The following VPS53 variants were observed in gnomAD, a reference collection of about 807,000 sequenced individuals.
The protein encoded by VPS53 is vacuolar protein sorting-associated protein 53 homolog.
A neutral mutation model predicts 107.0 loss-of-function variants in VPS53; 70 were observed. That is an observed-to-expected ratio of 0.65 (90% CI 0.54 to 0.80). The LOEUF is 0.80. VPS53 is among the 30% of genes least tolerant of loss of function. The probability of loss-of-function intolerance (pLI) is 0.00; values close to 1 mark genes in which losing one functional copy is unlikely to be tolerated. For synonymous variants in VPS53, 409 were observed against 393.3 expected, an observed-to-expected ratio of 1.04 and a Z score of -0.47; for missense variants, 917 against 1,049.4, an observed-to-expected ratio of 0.87 and a Z score of 1.74.
chr17:618,412 C>A (rs1294896596), intron 11 of VPS53, among the ~76,000 whole-genome samples: 6 of 127,640 alleles, frequency 4.7e-5, no homozygotes, highest in African/African-American at 8.5e-5. Flanking sequence ...CACCACGCCC[C>A]ACTAATATTT....
At chr17:578,719 C>T (rs1273913779) in intron 13 of VPS53, among the ~76,000 whole-genome samples, 1 of 148,464 alleles carries the variant, frequency 6.7e-6, no homozygotes, top group African/African-American at 2.5e-5. Flanking sequence ...GAACCTCAGT[C>T]AATTACCAGA....
At position 712,197 on chromosome 17, in the gene VPS53, T is replaced by TC. The variant is rs1555589763; in HGVS notation, c.88-1585dup. Among the ~76,000 whole-genome samples, 980 of 122,438 alleles carry TC rather than the reference T, an allele frequency of 8.0e-3. 24 individuals carry two copies. The highest frequency in any genetic ancestry group is 0.032 in the African/African-American group (947 of 29,724). 80.3% of individuals were successfully genotyped at this position (122,438 alleles called of 152,430 possible). A position where few individuals can be genotyped will look rare whatever the true frequency, so the allele number is the denominator to read the frequency against. On this transcript the variant is annotated intron_variant, in intron 1 of 21. Transcript: ENST00000437048. ...TTCGCCTTTTTTTTTTTTTTTTTTTTCGAGATGGAGTCTCACTCTGTCGCT... is the reference window on the plus strand; with the variant it reads ...TTCGCCTTTTTTTTTTTTTTTTTTTTCCGAGATGGAGTCTCACTCTGTCGCT...
Position 706,563 on chromosome 17 carries a change from C to T in VPS53, c.168+3970G>A, listed in dbSNP as rs1038323038. Among the ~76,000 whole-genome samples the T allele has an allele frequency of 7.3e-5, 11 of 151,644 alleles. No homozygotes were observed. In the South Asian group the frequency reaches 1.2e-3, roughly 17 times the overall value. On this transcript the variant is annotated intron_variant, in intron 2 of 21. Transcript: ENST00000437048. ...AAAAAAAAAAAAAAAATTACACAAG[C>T]AAGTCATTGTAACATCATAATTTAC... is the stretch of plus-strand genomic sequence containing the variant.
rs1360440157 is a variant in VPS53 at position 560,547 on chromosome 17, G to C, written c.1583C>G (p.Thr528Ser). ...PKTTTSSGGL[T>S]ISSLLKEKEG... ...CTTTTCCTTGAGGAGGCTGCTGATA[G>C]TCAGTCCTCCACTGCTGGTTGTGGT... Residue 528 changes from threonine to serine, a missense_variant, in exon 15 of 22, where the codon ACT becomes AGT. Physicochemically the swap from Thr to Ser is moderately conservative, Grantham distance 58. Transcript: ENST00000437048. The C allele has an allele frequency of 6.2e-7, 1 of 1,614,118 alleles. No individual in the cohort carries two copies. Among genetic ancestry groups the C allele is most frequent in the Admixed American group, 1.7e-5 (1 of 60,024 alleles).
intron 4 of VPS53, chr17:674,541 G>C (rs921615235): frequency 6.6e-6 from 1 of 152,154 alleles, no homozygotes; most frequent in Non-Finnish European, 1.5e-5. Flanking sequence ...GGCCTCACTG[G>C]TGTCTGTATT....
chr17:601,434 A>T (rs1597367536), intron 12 of VPS53, among the ~76,000 whole-genome samples: 1 of 152,036 alleles, frequency 6.6e-6, no homozygotes, highest in Admixed American at 6.6e-5. Flanking sequence ...CTTCCCGGGG[A>T]TTGTTCAGCC....
intron 4 of VPS53, among the ~76,000 whole-genome samples, chr17:687,735 C>T (rs1040735956): frequency 3.9e-5 from 6 of 152,104 alleles, no homozygotes; most frequent in Admixed American, 3.9e-4. Flanking sequence ...AAGACCCTGT[C>T]TCAAAAACAA....
intron 13 of VPS53, among the ~76,000 whole-genome samples, chr17:572,333 G>GC (rs1386780901): frequency 6.6e-6 from 1 of 151,038 alleles, no homozygotes; most frequent in African/African-American, 2.4e-5. Context: ...GAAGTGAGGA[G>GC]CCCCTCCGCC....
In VPS53 at chr17:627,331, G is replaced by A. The variant is rs1204992428; in HGVS notation, c.832-15C>T. The A allele has an allele frequency of 6.2e-7, 1 of 1,610,056 alleles. No homozygotes were observed. The highest frequency in any genetic ancestry group is 1.3e-5 in the African/African-American group (1 of 74,742). ...AGCCAGGCAACCTGGTGAAGGTGGA[G>A]ATCAAAAGCCACCCCAGTGGTTAGA... On this transcript the variant is annotated splice_polypyrimidine_tract_variant and intron_variant, in intron 9 of 21. Coordinates refer to ENST00000437048, the MANE Select transcript of VPS53 (RefSeq NM_001128159.3).
chr17:667,585 T>A (rs181071286), intron 4 of VPS53, among the ~76,000 whole-genome samples: 35 of 105,444 alleles, frequency 3.3e-4, no homozygotes, highest in African/African-American at 1.4e-3. Flanking sequence ...GAGGACTGTT[T>A]TAAACATAAT....
chr17:591,842 T>C (rs542830407), intron 12 of VPS53, among the ~76,000 whole-genome samples: 20 of 152,192 alleles, frequency 1.3e-4, no homozygotes, highest in Non-Finnish European at 2.4e-4. Flanking sequence ...GAAAAAAATG[T>C]ATATTCTGTT....
At chr17:549,730 G>C (rs746502190) in intron 17 of VPS53, among the ~76,000 whole-genome samples, 9 of 152,102 alleles carry the variant, frequency 5.9e-5, no homozygotes, top group Non-Finnish European at 1.2e-4. Flanking sequence ...AGCAGCGAGG[G>C]GATCATGAGA....
Position 560,457 on chromosome 17 carries a change from G to A in VPS53, c.1673C>T (p.Thr558Met), listed in dbSNP as rs375208202. The change falls in exon 15 of 22, where the codon ACG becomes ATG. Residue 558 changes from threonine to methionine, a missense_variant. By Grantham distance (81) the Thr-to-Met change is moderately conservative. Coordinates refer to ENST00000437048, the MANE Select transcript of VPS53 (RefSeq NM_001128159.3). Reference protein sequence around the residue: ...ELCLICNILSTAEYCLATTQQ... With the variant: ...ELCLICNILSMAEYCLATTQQ... ...GGTGGTGGCCAGACAGTACTCTGCC[G>A]TGCTCAGGATGTTACAGATGAGGCA... is the stretch of plus-strand genomic sequence containing the variant. 49 of 1,612,548 alleles carry A rather than the reference G, an allele frequency of 3.0e-5. No homozygotes were observed. Among genetic ancestry groups the A allele is most frequent in the Non-Finnish European group, 3.8e-5 (45 of 1,179,992 alleles).
At chr17:673,857 C>T (rs1033480503) in intron 4 of VPS53, 1 of 152,214 alleles carries the variant, frequency 6.6e-6, no homozygotes, top group African/African-American at 2.4e-5. Flanking sequence ...AAACCAAAGC[C>T]ACTGAAAATG....
chr17:532,998 G>T, intron 18 of VPS53, 87 bp from the exon 19 acceptor site: 1 of 1,514,026 alleles, frequency 6.6e-7, no homozygotes, highest in Non-Finnish European at 8.9e-7. Flanking sequence ...GTATCTCCAT[G>T]AAAAAACCTT....
In VPS53 at chr17:628,124, C is replaced by T. The variant is rs1232610043; in HGVS notation, c.795G>A (p.Leu265=). The T allele has an allele frequency of 1.2e-6, 2 of 1,613,730 alleles. No homozygotes were observed. Among genetic ancestry groups the T allele is most frequent in the African/African-American group, 2.7e-5 (2 of 74,916 alleles). Reference sequence around the variant, plus strand: ...CTTGAAAAAGTACCAGATACTCTGACAGATGCTGTTTAATAAACTTTTTGA... The same window carrying T: ...CTTGAAAAAGTACCAGATACTCTGATAGATGCTGTTTAATAAACTTTTTGA... ...EIIKKFIKQH[L]SEYLVLFQEN... is the part of the protein sequence containing the mutation. The change falls in exon 9 of 22, where the codon CTG becomes CTA. Residue 265 remains leucine, a synonymous_variant. Transcript: ENST00000437048.
At chr17:554,766 G>A (rs1281286908) in intron 15 of VPS53, among the ~76,000 whole-genome samples, 1 of 152,110 alleles carries the variant, frequency 6.6e-6, no homozygotes, top group African/African-American at 2.4e-5. Flanking sequence ...TGCTGTTGGG[G>A]TGCATAAATT....
intron 7 of VPS53, among the ~76,000 whole-genome samples, chr17:647,012 T>C (rs1234611716): frequency 6.6e-6 from 1 of 152,244 alleles, no homozygotes; most frequent in Non-Finnish European, 1.5e-5. Flanking sequence ...AATCTTTCAC[T>C]GTCCACAAAA....
At chr17:640,606 T>G (rs1027690594) in intron 7 of VPS53, among the ~76,000 whole-genome samples, 1 of 152,074 alleles carries the variant, frequency 6.6e-6, no homozygotes, top group African/African-American at 2.4e-5. Context: ...CCTGGTTATG[T>G]TACTAGTGAG....
Sources: allele counts gnomAD v4.1 joint callset (sites outside exome capture counted in the v4.1 genomes callset), GRCh38; gene constraint gnomAD v4.1.1; transcripts MANE v1.5; gene names NCBI Gene and HGNC (gene_info 2026-07-23, HGNC 2026-07-21).